The following DOCK2 variants were observed in gnomAD, a reference collection of about 807,000 sequenced individuals.
DOCK2 encodes dedicator of cytokinesis 2, also known as dedicator of cytokinesis protein 2.
In DOCK2, 87 loss-of-function variants were observed where a neutral mutation model predicts 248.9. That is an observed-to-expected ratio of 0.35 (90% confidence interval 0.29 to 0.42). The LOEUF (loss-of-function observed/expected upper bound fraction) is 0.42, where lower values mean the gene tolerates loss of function less well. Among genes scored for constraint, DOCK2 ranks in the 10% least tolerant of loss-of-function variants. The pLI is 1.00. For missense variants in DOCK2, 1,747 were observed against 2,300.2 expected (o/e 0.76, Z 4.92); for synonymous variants, 805 against 821.6 (o/e 0.98, Z 0.35).
Position 169,811,645 on chromosome 5 carries a change from A to T in DOCK2, c.2703+8439A>T, listed in dbSNP as rs111456206. Among the ~76,000 whole-genome samples, 403 of 152,236 alleles carry T rather than the reference A, an allele frequency of 2.6e-3. 5 individuals carry two copies. The highest frequency in any genetic ancestry group is 9.4e-3 in the African/African-American group (391 of 41,522). ...ACTTCTATGGATGACTGTATACCAC[A>T]CACTTCCCCAGCACCTTCTAACTGG... On this transcript the variant is annotated intron_variant, in intron 26 of 51. Transcript: ENST00000520908.
At chr5:169,816,748 T>C (rs1768091036) in intron 26 of DOCK2, among the ~76,000 whole-genome samples, 2 of 152,190 alleles carry the variant, frequency 1.3e-5, no homozygotes, top group African/African-American at 4.8e-5. Flanking sequence ...ACGTGAGATG[T>C]TTTGATACAG....
At chr5:169,652,823 A>G (rs1757878819) in intron 1 of DOCK2, among the ~76,000 whole-genome samples, 1 of 152,116 alleles carries the variant, frequency 6.6e-6, no homozygotes, top group African/African-American at 2.4e-5. Context: ...GGTCTCTGTG[A>G]TGCAAAAGAA....
intron 1 of DOCK2, among the ~76,000 whole-genome samples, chr5:169,646,175 C>A (rs1757450384): frequency 1.3e-5 from 2 of 152,178 alleles, no homozygotes. Flanking sequence ...CCAGTTTTCC[C>A]AGCACCATTT....
chr5:169,774,946 T>C (rs1478619208), intron 25 of DOCK2, among the ~76,000 whole-genome samples: 1 of 152,130 alleles, frequency 6.6e-6, no homozygotes, highest in Non-Finnish European at 1.5e-5. Flanking sequence ...TCTCATTCTG[T>C]CACCCAGGCT....
chr5:169,976,893 T>C (rs1777735990), intron 27 of DOCK2, among the ~76,000 whole-genome samples: 1 of 152,194 alleles, frequency 6.6e-6, no homozygotes, highest in Non-Finnish European at 1.5e-5. Flanking sequence ...CATCTTTCTG[T>C]TTTCCTGTGA....
chr5:169,821,630 T>C (rs570555624), intron 26 of DOCK2, among the ~76,000 whole-genome samples: 2 of 152,212 alleles, frequency 1.3e-5, no homozygotes, highest in South Asian at 4.2e-4. Context: ...GCACTAAACA[T>C]GGAAAGGAAC....
intron 30 of DOCK2, chr5:169,997,874 G>C (rs528191564): frequency 3.5e-5 from 16 of 454,018 alleles, no homozygotes; most frequent in Non-Finnish European, 6.6e-5. Context: ...CTGGGCTTTC[G>C]CCTCTCAGAA....
At chr5:169,884,985 G>A (rs1040470149) in intron 27 of DOCK2, among the ~76,000 whole-genome samples, 1 of 152,122 alleles carries the variant, frequency 6.6e-6, no homozygotes, top group East Asian at 1.9e-4. Flanking sequence ...CTTTGTGGGT[G>A]CAAGGCCTTG....
chr5:169,886,433 T>C (rs1194352201), intron 27 of DOCK2, among the ~76,000 whole-genome samples: 1 of 152,228 alleles, frequency 6.6e-6, no homozygotes, highest in African/African-American at 2.4e-5. Flanking sequence ...CCAGAGACAA[T>C]TTCCTCAGTC....
At position 169,749,293 on chromosome 5, in the gene DOCK2, A is replaced by T. The variant is rs527894182; in HGVS notation, c.2376+1789A>T. ...GTCTCTGAGGTGGAAATCTATGGGA[A>T]GAAACCAGCATAATCTGGCCCAAAT... is the stretch of plus-strand genomic sequence containing the variant. On this transcript the variant is annotated intron_variant, in intron 23 of 51. Coordinates refer to ENST00000520908, the MANE Select transcript of DOCK2 (RefSeq NM_004946.3). Among the ~76,000 whole-genome samples the T allele has an allele frequency of 5.9e-5, 9 of 152,340 alleles. No individual in the cohort carries two copies. In the East Asian group the frequency reaches 1.7e-3, roughly 29 times the overall value.
At chr5:169,693,235 C>T (rs1237484092) in intron 9 of DOCK2, among the ~76,000 whole-genome samples, 5 of 152,034 alleles carry the variant, frequency 3.3e-5, no homozygotes, top group Admixed American at 2.0e-4. Flanking sequence ...AAGAGGCAAG[C>T]ATTGGAGGGG....
At position 169,764,683 on chromosome 5, in the gene DOCK2, G is replaced by A. The variant is rs112515356; in HGVS notation, c.2554+3058G>A. Among the ~76,000 whole-genome samples the A allele has an allele frequency of 1.0e-3, 157 of 152,218 alleles. 1 individual carries two copies. Among genetic ancestry groups the A allele is most frequent in the African/African-American group, 3.6e-3 (150 of 41,518 alleles). ...GTTTTTCCTGCTGATCCCAATTTCC[G>A]TGCTGACCTTTAAATTCCTTGCAAT... On this transcript the variant is annotated intron_variant, in intron 25 of 51. Transcript: ENST00000520908. The surrounding 1 kb of genome is among the most constrained non-coding windows in gnomAD (Gnocchi z 4.3).
chr5:170,037,766 G>A (rs1056536952), intron 36 of DOCK2, among the ~76,000 whole-genome samples: 40 of 152,164 alleles, frequency 2.6e-4, no homozygotes, highest in Non-Finnish European at 4.9e-4. Context: ...GATTACAGGC[G>A]TGAGCCACTG....
chr5:170,081,956 A>T lies in DOCK2; in HGVS notation c.5402A>T (p.Lys1801Met), dbSNP rs143896166. The change falls in exon 51 of 52, where the codon AAG becomes ATG. Residue 1801 changes from lysine (K) to methionine (M), a missense_variant. Physicochemically the swap from Lys to Met is moderately conservative, Grantham distance 95 (BLOSUM62 -1). Transcript: ENST00000520908. ...GGTGACAAGAAGACACTCACACGGA[A>T]GAAGGTCAATCAGTTCTTCAAGACA... ...SDGDKKTLTR[K>M]KVNQFFKTML... 11 of 1,614,158 alleles carry T rather than the reference A, an allele frequency of 6.8e-6. No homozygotes were observed. Among genetic ancestry groups the T allele is most frequent in the Non-Finnish European group, 8.5e-6 (10 of 1,180,012 alleles).
chr5:169,996,020 G>A, intron 29 of DOCK2, 66 bp from the exon 30 acceptor site: 2 of 1,552,342 alleles, frequency 1.3e-6, no homozygotes, highest in Non-Finnish European at 8.8e-7. Flanking sequence ...TTTTAGTCTG[G>A]CATAAGGACG....
chr5:169,681,086 G>C (rs1759632598), intron 6 of DOCK2, among the ~76,000 whole-genome samples: 1 of 121,724 alleles, frequency 8.2e-6, no homozygotes, highest in Non-Finnish European at 1.7e-5. Flanking sequence ...GATCACTGTT[G>C]ATTTAGCCAT....
chr5:169,861,716 A>G (rs1188503953), intron 27 of DOCK2, among the ~76,000 whole-genome samples: 1 of 152,192 alleles, frequency 6.6e-6, no homozygotes, highest in Non-Finnish European at 1.5e-5. Context: ...TGTTTTAAAC[A>G]TAGAGACGAC....
chr5:169,939,591 T>C (rs1319169285), intron 27 of DOCK2, among the ~76,000 whole-genome samples: 1 of 152,210 alleles, frequency 6.6e-6, no homozygotes, highest in African/African-American at 2.4e-5. Flanking sequence ...CAGCACAGTA[T>C]GTTAGTTTAC....
At chr5:170,033,918 AT>A (rs1756232149) in intron 34 of DOCK2, among the ~76,000 whole-genome samples, 1 of 152,144 alleles carries the variant, frequency 6.6e-6, no homozygotes, top group South Asian at 2.1e-4. Context: ...ACTGTAATTT[AT>A]TTAGGCCTTT....
Sources: gnomAD v4.1 joint callset for allele counts (sites outside exome capture counted in the v4.1 genomes callset) on GRCh38, gnomAD v4.1.1 for gene constraint, Gnocchi (gnomAD v3.1) non-coding constraint, MANE v1.5 for transcripts, NCBI Gene and HGNC (gene_info 2026-07-23, HGNC 2026-07-21) for gene names.